KDM2A: variants seen among roughly 807,000 people sequenced by gnomAD.
KDM2A encodes the protein lysine demethylase 2A.
A neutral mutation model predicts 137.3 loss-of-function variants in KDM2A; 3 were observed. That is an observed-to-expected ratio of 0.02 (90% CI 0.01 to 0.06). The LOEUF (loss-of-function observed/expected upper bound fraction) is 0.06. KDM2A is among the 10% of genes least tolerant of loss of function. The probability of loss-of-function intolerance (pLI) is 1.00; values close to 1 mark genes in which losing one functional copy is unlikely to be tolerated. For synonymous variants in KDM2A, 512 were observed against 541.5 expected (o/e 0.95, Z 0.76); for missense variants, 738 against 1,510.6 (o/e 0.49, Z 8.48).
chr11:67,198,528 G>C (rs2136363160), intron 5 of KDM2A, among the ~76,000 whole-genome samples: 1 of 151,920 alleles, frequency 6.6e-6, no homozygotes, highest in Non-Finnish European at 1.5e-5. Context: ...CGAGACCACG[G>C]TGAAATCCCA....
rs767210959 is a variant in KDM2A, at chr11:67,248,276, T to C, written c.1966-5T>C. 1.3e-6 allele frequency: 2 copies of C among 1,597,798 alleles called. No individual in the cohort carries two copies. The highest frequency in any genetic ancestry group is 1.7e-6 in the Non-Finnish European group (2 of 1,170,072). On this transcript the variant is annotated splice_region_variant and splice_polypyrimidine_tract_variant and intron_variant, in intron 15 of 20. Coordinates refer to ENST00000529006, the MANE Select transcript of KDM2A (RefSeq NM_012308.3). ...GCTTTTAAAAACATCTCTGTCTTCC[T>C]ATAGATGGACGGAGAGGGGTTGCTT...
At chr11:67,159,108 G>C (rs1240234061) in intron 2 of KDM2A, among the ~76,000 whole-genome samples, 2 of 151,984 alleles carry the variant, frequency 1.3e-5, no homozygotes, top group African/African-American at 4.8e-5. Context: ...AGGCCACTTA[G>C]GCTTTCTCCT....
At chr11:67,208,882 C>A (rs1038051458) in intron 6 of KDM2A, among the ~76,000 whole-genome samples, 2 of 151,808 alleles carry the variant, frequency 1.3e-5, no homozygotes, top group African/African-American at 2.4e-5. Context: ...AGTTCAAGAT[C>A]AGCCTGGGGA....
In KDM2A at chr11:67,125,220, G is replaced by A. The variant is rs538103773; in HGVS notation, c.42+3862G>A. 4.1e-5 allele frequency among the ~76,000 whole-genome samples: 6 copies of A among 148,142 alleles called. No individual in the cohort carries two copies. In the East Asian group the frequency reaches 5.9e-4, roughly 15 times the overall value. ...TTTATTTGAGATAGGGGTCTTTGTCGCCCAGTCTAGAGTGCAGTGGCATGA... is the reference window on the plus strand; with the variant it reads ...TTTATTTGAGATAGGGGTCTTTGTCACCCAGTCTAGAGTGCAGTGGCATGA... On this transcript the variant is annotated intron_variant, in intron 2 of 20. Transcript: ENST00000529006.
intron 2 of KDM2A, among the ~76,000 whole-genome samples, chr11:67,150,246 C>A (rs1049984895): frequency 2.0e-5 from 3 of 152,112 alleles, no homozygotes; most frequent in African/African-American, 4.8e-5. Context: ...AAATTCACTG[C>A]CTCTCAGTTT....
At chr11:67,178,461 G>T (rs181670272) in intron 2 of KDM2A, among the ~76,000 whole-genome samples, 2 of 152,108 alleles carry the variant, frequency 1.3e-5, no homozygotes, top group East Asian at 3.9e-4. Flanking sequence ...ATATTCACAG[G>T]GTCATACAAA....
intron 2 of KDM2A, among the ~76,000 whole-genome samples, chr11:67,159,838 G>A (rs1856596506): frequency 6.6e-6 from 1 of 152,072 alleles, no homozygotes; most frequent in South Asian, 2.1e-4. Context: ...TGCAGTTTAG[G>A]ATATGTTCAT....
intron 2 of KDM2A, among the ~76,000 whole-genome samples, chr11:67,142,082 A>G (rs1038415345): frequency 6.6e-6 from 1 of 151,954 alleles, no homozygotes; most frequent in Non-Finnish European, 1.5e-5. Flanking sequence ...TGTGTCGTCC[A>G]GGCTGGAGTG....
intron 10 of KDM2A, among the ~76,000 whole-genome samples, chr11:67,223,297 C>T (rs1348948215): frequency 2.0e-5 from 3 of 151,902 alleles, no homozygotes; most frequent in Non-Finnish European, 4.4e-5. Flanking sequence ...TATGTGGTAT[C>T]TCTTGGCTAT....
rs947610976 is a variant in KDM2A, at chr11:67,233,294, G to A, written c.1479+1334G>A. 2.7e-5 allele frequency among the ~76,000 whole-genome samples: 4 copies of A among 149,090 alleles called. 1 individual carries two copies. The highest frequency in any genetic ancestry group is 4.3e-4 in the South Asian group (2 of 4,624). ...AGCACTTTGAGAGGCCAAGGTGGGAGGATCACCTGAGGTCAGGAGTTCGAG... is the reference window on the plus strand; with the variant it reads ...AGCACTTTGAGAGGCCAAGGTGGGAAGATCACCTGAGGTCAGGAGTTCGAG... On this transcript the variant is annotated intron_variant, in intron 12 of 20. Coordinates refer to ENST00000529006, the MANE Select transcript of KDM2A (RefSeq NM_012308.3).
intron 2 of KDM2A, among the ~76,000 whole-genome samples, chr11:67,139,863 C>G (rs1440051749): frequency 1.3e-5 from 2 of 152,102 alleles, no homozygotes; most frequent in Non-Finnish European, 2.9e-5. Flanking sequence ...CATGTGCTAC[C>G]ATGCCTGGCT....
chr11:67,144,750 A>G (rs1445006605), intron 2 of KDM2A, among the ~76,000 whole-genome samples: 3 of 147,546 alleles, frequency 2.0e-5, no homozygotes, highest in Non-Finnish European at 3.0e-5. Flanking sequence ...TTTTTTTTGT[A>G]GTGATGGGTT....
chr11:67,167,009 C>T (rs975120538), intron 2 of KDM2A, among the ~76,000 whole-genome samples: 2 of 152,092 alleles, frequency 1.3e-5, no homozygotes, highest in African/African-American at 4.8e-5. Flanking sequence ...ACCTGGGAGA[C>T]GGAGGTTGCA....
intron 2 of KDM2A, among the ~76,000 whole-genome samples, chr11:67,155,938 A>G (rs1426878028): frequency 5.5e-5 from 1 of 18,108 alleles, no homozygotes; most frequent in African/African-American, 7.4e-5. Flanking sequence ...TTAAACGGCT[A>G]AAAAAAAAAA....
intron 11 of KDM2A, among the ~76,000 whole-genome samples, chr11:67,230,718 AGTT>A (rs906863725): frequency 4.6e-5 from 7 of 151,864 alleles, no homozygotes; most frequent in African/African-American, 1.5e-4. Flanking sequence ...TGTACTGTTC[AGTT>A]GTTATCGTAG....
intron 11 of KDM2A, among the ~76,000 whole-genome samples, 179 bp from the exon 12 acceptor site, chr11:67,231,387 A>G (rs756621436): frequency 2.0e-5 from 3 of 152,166 alleles, no homozygotes; most frequent in African/African-American, 7.2e-5. Context: ...TCCTGTTTCT[A>G]CCTGTTAACT....
Position 67,248,353 on chromosome 11 carries a change from A to G in KDM2A, c.2038A>G (p.Ser680Gly), listed in dbSNP as rs878988008. 3.7e-6 allele frequency: 6 copies of G among 1,603,304 alleles called. No individual in the cohort carries two copies. Among genetic ancestry groups the G allele is most frequent in the East Asian group, 2.2e-5 (1 of 44,628 alleles). Residue 680 changes from serine to glycine, a missense_variant, in exon 16 of 21, where the codon AGC becomes GGC. Transcript: ENST00000529006. ...WECPKCYQED[S>G]SEKAQKRKME... ...ATGTCCAAAGTGCTACCAGGAGGAC[A>G]GCTCGGAGAAAGCCCAGGTAAAGGA...
intron 2 of KDM2A, among the ~76,000 whole-genome samples, chr11:67,163,935 A>G (rs752739000): frequency 2.0e-5 from 3 of 152,040 alleles, no homozygotes; most frequent in Non-Finnish European, 2.9e-5. Flanking sequence ...TAATCCTCAT[A>G]CAACCCTGTG....
At position 67,245,033 on chromosome 11, in the gene KDM2A, G is replaced by A; in HGVS notation, c.1564-156G>A. 1.4e-6 allele frequency: 1 copy of A among 739,356 alleles called. No homozygotes were observed. The highest frequency in any genetic ancestry group is 1.7e-5 in the South Asian group (1 of 57,566). 45.8% of individuals were successfully genotyped at this position (739,356 alleles called of 1,614,324 possible). On this transcript the variant is annotated intron_variant, in intron 13 of 20. Transcript: ENST00000529006. The surrounding 1 kb of genome is among the most constrained non-coding windows in gnomAD (Gnocchi z 4.1). Reference sequence around the variant, plus strand: ...CATTGATAATACATACACAAGATGAGTTGTGTGTCAATAAAATTTATTCTA... The same window carrying A: ...CATTGATAATACATACACAAGATGAATTGTGTGTCAATAAAATTTATTCTA...
Sources: gnomAD v4.1 joint callset for allele counts (sites outside exome capture counted in the v4.1 genomes callset) on GRCh38, gnomAD v4.1.1 for gene constraint, Gnocchi (gnomAD v3.1) non-coding constraint, MANE v1.5 for transcripts, NCBI Gene and HGNC (gene_info 2026-07-23, HGNC 2026-07-21) for gene names.